The following PRKAG2 variants were observed in gnomAD, a reference collection of about 807,000 sequenced individuals.
PRKAG2 encodes 5'-AMP-activated protein kinase subunit gamma-2.
In PRKAG2, 26 loss-of-function variants were observed where a neutral mutation model predicts 69.6. The observed-to-expected ratio is 0.37, with a 90% CI of 0.27 to 0.52. The LOEUF is 0.52. Among genes scored for constraint, PRKAG2 ranks in the 20% least tolerant of loss-of-function variants. PRKAG2 has a pLI of 0.90. For synonymous variants in PRKAG2, 293 were observed against 285.0 expected (o/e 1.03, Z -0.28); for missense variants, 557 against 740.0 (o/e 0.75, Z 2.87).
intron 11 of PRKAG2, among the ~76,000 whole-genome samples, chr7:151,568,479 G>A (rs1806783604): frequency 6.6e-6 from 1 of 152,146 alleles, no homozygotes; most frequent in Non-Finnish European, 1.5e-5. Flanking sequence ...AGAGAATGCC[G>A]AGTTTTGTTG....
Position 151,641,081 on chromosome 7 carries a change from CTG to C in PRKAG2, c.685-8945_685-8944del, listed in dbSNP as rs1826583131. Among the ~76,000 whole-genome samples, 5 of 152,216 alleles carry C rather than the reference CTG, an allele frequency of 3.3e-5. No homozygotes were observed. The South Asian group carries it at 1.0e-3, about 32-fold the overall frequency. ...TAACATTTTGAAGGAAAAAAAGTGACTGTGCCAAGAAATGATGGCAGGGTAGT... is the reference window on the plus strand; with the variant it reads ...TAACATTTTGAAGGAAAAAAAGTGACTGCCAAGAAATGATGGCAGGGTAGT... On this transcript the variant is annotated intron_variant, in intron 4 of 15. Coordinates refer to ENST00000287878, the MANE Select transcript of PRKAG2 (RefSeq NM_016203.4).
At position 151,771,791 on chromosome 7, in the gene PRKAG2, T is replaced by C. The variant is rs930423873; in HGVS notation, c.466+9361A>G. On this transcript the variant is annotated intron_variant, in intron 3 of 15. Coordinates refer to ENST00000287878, the MANE Select transcript of PRKAG2 (RefSeq NM_016203.4). The surrounding 1 kb of genome is among the most constrained non-coding windows in gnomAD (Gnocchi z 4.0). ...CTGTATGGAAGTGGTCATCTTGATG[T>C]CATCAATGATAATTGCCTCTGTCCC... 6.6e-6 allele frequency among the ~76,000 whole-genome samples: 1 copy of C among 152,224 alleles called. No individual in the cohort carries two copies. The highest frequency in any genetic ancestry group is 2.4e-5 in the African/African-American group (1 of 41,456).
chr7:151,857,156 G>T (rs1397293873), intron 1 of PRKAG2, among the ~76,000 whole-genome samples: 1 of 149,416 alleles, frequency 6.7e-6, no homozygotes, highest in Admixed American at 6.7e-5. Flanking sequence ...AGCCCACAGG[G>T]AGTATAAGGG....
At chr7:151,630,596 C>A (rs535820049) in intron 5 of PRKAG2, among the ~76,000 whole-genome samples, 13 of 152,190 alleles carry the variant, frequency 8.5e-5, no homozygotes, top group Non-Finnish European at 1.3e-4. Context: ...TAAGTAGTAG[C>A]GATTCCTCTC....
intron 1 of PRKAG2, among the ~76,000 whole-genome samples, chr7:151,796,449 G>C (rs576839403): frequency 6.6e-6 from 1 of 152,296 alleles, no homozygotes; most frequent in African/African-American, 2.4e-5. Context: ...TTCACAGTAC[G>C]TGAAGGGCAA....
At chr7:151,808,544 C>T (rs915494990) in intron 1 of PRKAG2, among the ~76,000 whole-genome samples, 8 of 151,822 alleles carry the variant, frequency 5.3e-5, no homozygotes, top group Admixed American at 2.0e-4. Flanking sequence ...AGCAGACGGG[C>T]GAGACCCAGG....
intron 3 of PRKAG2, among the ~76,000 whole-genome samples, chr7:151,774,525 G>A (rs191665817): frequency 3.3e-5 from 5 of 151,878 alleles, no homozygotes; most frequent in East Asian, 3.9e-4. Flanking sequence ...AGTGTTTATC[G>A]GCCAGGCACA....
intron 5 of PRKAG2, among the ~76,000 whole-genome samples, chr7:151,625,815 G>A (rs192518082): frequency 6.6e-6 from 1 of 152,352 alleles, no homozygotes; most frequent in Non-Finnish European, 1.5e-5. Flanking sequence ...AGAGATCAGT[G>A]TCAGGGGAAT....
At chr7:151,637,277 AG>A (rs1479297945) in intron 4 of PRKAG2, among the ~76,000 whole-genome samples, 3 of 152,228 alleles carry the variant, frequency 2.0e-5, no homozygotes, top group Non-Finnish European at 4.4e-5. Flanking sequence ...CAAGGTACAC[AG>A]GAAGTATCTC....
chr7:151,850,107 G>GGGGCCGTGCACACAGGT lies in PRKAG2; in HGVS notation c.114+26383_114+26399dup, dbSNP rs2079533534. Among the ~76,000 whole-genome samples the GGGGCCGTGCACACAGGT allele has an allele frequency of 6.6e-6, 1 of 152,206 alleles. No homozygotes were observed. Among genetic ancestry groups the GGGGCCGTGCACACAGGT allele is most frequent in the African/African-American group, 2.4e-5 (1 of 41,458 alleles). On this transcript the variant is annotated intron_variant, in intron 1 of 15. Transcript: ENST00000287878. The surrounding 1 kb of genome is among the most constrained non-coding windows in gnomAD (Gnocchi z 4.1). ...TGAGAACCCACACCGCCTAAACCGA[G>GGGGCCGTGCACACAGGT]GGGCCGTGCACACAGGTGGCTCAGT...
chr7:151,561,052 C>T (rs1377164698), intron 14 of PRKAG2, among the ~76,000 whole-genome samples: 3 of 152,108 alleles, frequency 2.0e-5, no homozygotes, highest in East Asian at 1.9e-4. Context: ...AGACCTACTC[C>T]GTATTAAAAA....
intron 6 of PRKAG2, among the ~76,000 whole-genome samples, chr7:151,584,988 C>T (rs1005697265): frequency 5.9e-5 from 9 of 152,162 alleles, no homozygotes; most frequent in Non-Finnish European, 1.0e-4. Context: ...AGCGGGACGT[C>T]ACCTGCCCGG....
intron 3 of PRKAG2, among the ~76,000 whole-genome samples, chr7:151,678,463 G>A (rs1489123918): frequency 3.3e-5 from 5 of 152,142 alleles, no homozygotes; most frequent in African/African-American, 9.7e-5. Context: ...TTGTGTGTCC[G>A]GGGGAGGTTT....
intron 3 of PRKAG2, among the ~76,000 whole-genome samples, chr7:151,728,061 G>C (rs536677043): frequency 3.9e-5 from 6 of 152,236 alleles, no homozygotes; most frequent in African/African-American, 1.2e-4. Context: ...ATCCCTCCAG[G>C]CCCAGCAGAG....
chr7:151,650,151 G>C (rs1828244547), intron 4 of PRKAG2, among the ~76,000 whole-genome samples: 1 of 152,112 alleles, frequency 6.6e-6, no homozygotes, highest in Admixed American at 6.6e-5. Flanking sequence ...GGAGGTGGAG[G>C]CTGCAGTGAG....
chr7:151,840,903 G>A (rs540758434), intron 1 of PRKAG2, among the ~76,000 whole-genome samples: 1 of 152,246 alleles, frequency 6.6e-6, no homozygotes, highest in Non-Finnish European at 1.5e-5. Context: ...CGACGCTGGG[G>A]CAGGAAGATC....
rs148149555 is a variant in PRKAG2 at position 151,722,660 on chromosome 7, C to A, written c.467-47023G>T. On this transcript the variant is annotated intron_variant, in intron 3 of 15. Transcript: ENST00000287878. Reference sequence around the variant, plus strand: ...CCCGTGGGGACACACGGACATGCAGCCCCATGCTCTGCGAGGTTCGTGTGC... The same window carrying A: ...CCCGTGGGGACACACGGACATGCAGACCCATGCTCTGCGAGGTTCGTGTGC... 2.5e-3 allele frequency among the ~76,000 whole-genome samples: 377 copies of A among 152,182 alleles called. 4 individuals are homozygous for A. In the Middle Eastern group the frequency reaches 0.034, roughly 14 times the overall value.
intron 3 of PRKAG2, among the ~76,000 whole-genome samples, chr7:151,760,236 G>T (rs1173660429): frequency 1.1e-5 from 1 of 93,050 alleles, no homozygotes; most frequent in Non-Finnish European, 2.1e-5. Context: ...GAGAGAGCTG[G>T]GTGTTTGTTT....
intron 1 of PRKAG2, among the ~76,000 whole-genome samples, chr7:151,859,177 C>T (rs1012517462): frequency 2.6e-5 from 4 of 152,258 alleles, no homozygotes; most frequent in Non-Finnish European, 5.9e-5. Flanking sequence ...CTGTGTGCAT[C>T]GTCCTGTGAT....
Sources: gnomAD v4.1 joint callset for allele counts (sites outside exome capture counted in the v4.1 genomes callset) on GRCh38, gnomAD v4.1.1 for gene constraint, Gnocchi (gnomAD v3.1) non-coding constraint, MANE v1.5 for transcripts, NCBI Gene and HGNC (gene_info 2026-07-23, HGNC 2026-07-21) for gene names.